Variants in OSCP1 observed in about 807,000 individuals in gnomAD.
OSCP1 encodes the protein organic solute carrier partner 1.
A neutral mutation model predicts 45.1 loss-of-function variants in OSCP1; 35 were observed. That is an observed-to-expected ratio of 0.78 (90% CI 0.59 to 1.03). The LOEUF (loss-of-function observed/expected upper bound fraction) is 1.03. Ranked by LOEUF, OSCP1 falls within the 50% of genes least tolerant of loss-of-function variation. The pLI is 0.00. For missense variants in OSCP1, 400 were observed against 470.7 expected, an observed-to-expected ratio of 0.85 and a Z score of 1.39; for synonymous variants, 179 against 180.1, an observed-to-expected ratio of 0.99 and a Z score of 0.05.
intron 8 of OSCP1, among the ~76,000 whole-genome samples, chr1:36,420,017 C>G (rs1368608319): frequency 6.6e-6 from 1 of 151,082 alleles, no homozygotes; most frequent in Non-Finnish European, 1.5e-5. Context: ...GCTGTGTCTC[C>G]CAGACTGGAG....
chr1:36,425,330 T>G (rs1276111152), intron 4 of OSCP1, among the ~76,000 whole-genome samples: 1 of 152,196 alleles, frequency 6.6e-6, no homozygotes, highest in Admixed American at 6.5e-5. Flanking sequence ...TTTGGGAAAT[T>G]ACACAACCTT....
intron 4 of OSCP1, among the ~76,000 whole-genome samples, chr1:36,424,221 G>A (rs769638540): frequency 3.9e-5 from 6 of 152,194 alleles, no homozygotes; most frequent in Non-Finnish European, 7.3e-5. Flanking sequence ...GATTACAGGC[G>A]TGAGCCACCG....
chr1:36,422,147 C>T lies in OSCP1; in HGVS notation c.819+3G>A. On this transcript the variant is annotated splice_donor_region_variant and intron_variant, in intron 7 of 9. Transcript: ENST00000235532. ...AGGGTAGGCAAGGAAGGCAGAAGCT[C>T]ACCTGGGTCCATGAGGCTAAGTTCT... 6.2e-7 allele frequency: 1 copy of T among 1,613,468 alleles called. No individual in the cohort carries two copies.
chr1:36,433,384 A>G (rs1418938063), intron 2 of OSCP1, among the ~76,000 whole-genome samples: 1 of 152,002 alleles, frequency 6.6e-6, no homozygotes, highest in Non-Finnish European at 1.5e-5. Flanking sequence ...TCTGGGAGAA[A>G]GAGGAGAATG....
intron 9 of OSCP1, chr1:36,418,614 G>A (rs1204141939): frequency 2.9e-6 from 1 of 339,502 alleles, no homozygotes; most frequent in Admixed American, 4.6e-5. Flanking sequence ...CGTTATATAA[G>A]ATGAGGAAAG....
intron 4 of OSCP1, among the ~76,000 whole-genome samples, chr1:36,429,534 AATTTTTTTT>A (rs1474495363): frequency 1.4e-5 from 1 of 72,322 alleles, no homozygotes; most frequent in African/African-American, 6.2e-5. Flanking sequence ...AGAAGCTTAG[AATTTTTTTT>A]TTTTTTTTTT....
chr1:36,438,476 T>A (rs1648905452), intron 2 of OSCP1, among the ~76,000 whole-genome samples: 1 of 151,798 alleles, frequency 6.6e-6, no homozygotes, highest in African/African-American at 2.4e-5. Context: ...GACAACAGAG[T>A]GAGACCCCAT....
At position 36,432,590 on chromosome 1, in the gene OSCP1, C is replaced by G. The variant is rs1022619709; in HGVS notation, c.268-1G>C. On this transcript the variant is annotated splice_acceptor_variant, in intron 2 of 9. Coordinates refer to ENST00000235532, the MANE Select transcript of OSCP1 (RefSeq NM_145047.5). LOFTEE classifies it high-confidence loss of function. Reference sequence around the variant, plus strand: ...AAGCCATGGTCATCAGGTCATAGAGCTGCCAACCCACACACAAGCAAAAGA... The same window carrying G: ...AAGCCATGGTCATCAGGTCATAGAGGTGCCAACCCACACACAAGCAAAAGA... The G allele has an allele frequency of 6.2e-7, 1 of 1,614,166 alleles. No homozygotes were observed. The highest frequency in any genetic ancestry group is 8.5e-7 in the Non-Finnish European group (1 of 1,180,022).
rs1647945157 is a variant in OSCP1 at position 36,426,056 on chromosome 1, G to T, written c.517-2590C>A. On this transcript the variant is annotated intron_variant, in intron 4 of 9. Transcript: ENST00000235532. ...ACGTTTTCAGGGGAACATGTAAACT[G>T]GTTTGGTCAGAGGGTTTGCTGGATG... is the stretch of plus-strand genomic sequence containing the variant. 2.6e-5 allele frequency among the ~76,000 whole-genome samples: 4 copies of T among 152,166 alleles called. No homozygotes were observed. The South Asian group carries it at 8.3e-4, about 32-fold the overall frequency.
intron 1 of OSCP1, among the ~76,000 whole-genome samples, chr1:36,448,350 C>T (rs897618741): frequency 3.9e-5 from 6 of 152,154 alleles, no homozygotes; most frequent in Admixed American, 6.5e-5. Context: ...ATCACACAGG[C>T]ACCAAGGAAA....
At chr1:36,448,201 T>C (rs186559472) in intron 1 of OSCP1, among the ~76,000 whole-genome samples, 2 of 152,268 alleles carry the variant, frequency 1.3e-5, no homozygotes, top group East Asian at 1.9e-4. Context: ...AAAGCTGGAA[T>C]TGGGATCCAG....
chr1:36,436,625 T>C (rs185680063), intron 2 of OSCP1, among the ~76,000 whole-genome samples: 2 of 152,332 alleles, frequency 1.3e-5, no homozygotes, highest in Admixed American at 1.3e-4. Flanking sequence ...AAAGCACTGA[T>C]ATTAGAGCTG....
chr1:36,428,205 A>G (rs1234965078), intron 4 of OSCP1: 6 of 1,357,208 alleles, frequency 4.4e-6, no homozygotes, highest in African/African-American at 3.0e-5. Context: ...AAAAAAAAAA[A>G]AAAAAGAAAG....
intron 3 of OSCP1, 90 bp downstream of exon 3, chr1:36,432,331 CT>C: frequency 7.0e-7 from 1 of 1,435,872 alleles, no homozygotes; most frequent in East Asian, 2.3e-5. Flanking sequence ...ATTCCTCATC[CT>C]GTTCTCTCTG....
chr1:36,447,875 A>G lies in OSCP1; in HGVS notation c.112+2383T>C, dbSNP rs1570557082. ...TATAGTATCTCACATAGTGTTTGAC[A>G]CTCAGTCAAAATCTGTGGAATGAAT... On this transcript the variant is annotated intron_variant, in intron 1 of 9. Coordinates refer to ENST00000235532, the MANE Select transcript of OSCP1 (RefSeq NM_145047.5). This position sits in a 1 kb window ranked among gnomAD's most constrained non-coding sequence, Gnocchi z 4.1. 4.4e-6 allele frequency: 2 copies of G among 453,776 alleles called. No homozygotes were observed. Among genetic ancestry groups the G allele is most frequent in the Non-Finnish European group, 8.9e-6 (2 of 225,096 alleles). 28.1% of individuals were successfully genotyped at this position (453,776 alleles called of 1,614,324 possible). A position where few individuals can be genotyped will look rare whatever the true frequency, so the allele number is the denominator to read the frequency against.
At chr1:36,441,572 C>T (rs965635848) in intron 1 of OSCP1, among the ~76,000 whole-genome samples, 18 of 151,236 alleles carry the variant, frequency 1.2e-4, no homozygotes, top group Non-Finnish European at 2.7e-4. Flanking sequence ...CGCTGTGAAA[C>T]CCCGTCTCCA....
At position 36,450,364 on chromosome 1, in the gene OSCP1, C is replaced by T. The variant is rs1570562486; in HGVS notation, c.6G>A (p.Ser2=). 3 of 1,613,592 alleles carry T rather than the reference C, an allele frequency of 1.9e-6. No homozygotes were observed. Among genetic ancestry groups the T allele is most frequent in the Non-Finnish European group, 2.5e-6 (3 of 1,179,658 alleles). M[S]VRTLPLLFLN... ...AGAAGAGCAGCGGTAGCGTCCGCAC[C>T]GACATGGTGCTGGAAACGAGCTGGA... Residue 2 remains serine (S), a synonymous_variant, in exon 1 of 10, where the codon TCG becomes TCA. Coordinates refer to ENST00000235532, the MANE Select transcript of OSCP1 (RefSeq NM_145047.5).
At chr1:36,426,522 G>T (rs1408185987) in intron 4 of OSCP1, among the ~76,000 whole-genome samples, 1 of 152,074 alleles carries the variant, frequency 6.6e-6, no homozygotes. Flanking sequence ...CCCCTAGGAT[G>T]TACCTCAAAT....
At chr1:36,433,428 A>G (rs569051783) in intron 2 of OSCP1, among the ~76,000 whole-genome samples, 1 of 152,062 alleles carries the variant, frequency 6.6e-6, no homozygotes, top group Non-Finnish European at 1.5e-5. Flanking sequence ...GATGGCAGGT[A>G]ATAAAGCTGG....
Sources: gnomAD v4.1 joint callset for allele counts (sites outside exome capture counted in the v4.1 genomes callset) on GRCh38, gnomAD v4.1.1 for gene constraint, Gnocchi (gnomAD v3.1) non-coding constraint, MANE v1.5 for transcripts, NCBI Gene and HGNC (gene_info 2026-07-23, HGNC 2026-07-21) for gene names.